The following PTPRG variants were observed in gnomAD, a reference collection of about 807,000 sequenced individuals.
PTPRG encodes the protein protein tyrosine phosphatase receptor type G, also known as receptor-type tyrosine-protein phosphatase gamma.
Under a neutral mutation model 165.3 loss-of-function variants are expected in PTPRG, and 102 were observed. The ratio of observed to expected loss-of-function variants is 0.62; its 90% confidence interval spans 0.53 to 0.73. The LOEUF is 0.73. Ranked by LOEUF, PTPRG falls within the 30% of genes least tolerant of loss-of-function variation. The pLI is 0.00. For missense variants in PTPRG, 1,866 were observed against 1,861.4 expected (o/e 1.00, Z -0.05); for synonymous variants, 675 against 669.5 (o/e 1.01, Z -0.13).
chr3:62,260,528 A>G (rs1701663831), intron 16 of PTPRG, among the ~76,000 whole-genome samples: 1 of 152,150 alleles, frequency 6.6e-6, no homozygotes, highest in Admixed American at 6.6e-5. Flanking sequence ...GCCTTCTCCT[A>G]TGCTTATGTG....
intron 28 of PTPRG, among the ~76,000 whole-genome samples, chr3:62,290,470 C>G (rs1191428558): frequency 6.6e-6 from 1 of 151,974 alleles, no homozygotes; most frequent in Non-Finnish European, 1.5e-5. Context: ...TCACTAAAAA[C>G]AATACGAAGT....
chr3:61,697,616 G>A (rs1314109525), intron 1 of PTPRG, among the ~76,000 whole-genome samples: 2 of 152,184 alleles, frequency 1.3e-5, no homozygotes, highest in South Asian at 2.1e-4. Context: ...TTTGGTAACA[G>A]TGCAGTTCTG....
intron 1 of PTPRG, among the ~76,000 whole-genome samples, chr3:61,638,591 G>GCTTTTT (rs1701981070): frequency 1.7e-5 from 1 of 58,704 alleles, no homozygotes; most frequent in East Asian, 6.0e-4. Context: ...TGCCTGGCTA[G>GCTTTTT]TTTTTTTTTT....
chr3:61,811,173 TCAG>T (rs1453194491), intron 2 of PTPRG, among the ~76,000 whole-genome samples: 67 of 152,296 alleles, frequency 4.4e-4, no homozygotes, highest in Non-Finnish European at 7.2e-4. Context: ...TGCTCTTTGG[TCAG>T]TGGAATGTCA....
chr3:61,931,590 T>C (rs1280352288), intron 2 of PTPRG, among the ~76,000 whole-genome samples: 1 of 152,190 alleles, frequency 6.6e-6, no homozygotes, highest in Non-Finnish European at 1.5e-5. Flanking sequence ...AGACCCCGTG[T>C]CCTCTTAGAG....
intron 1 of PTPRG, among the ~76,000 whole-genome samples, chr3:61,665,422 G>A (rs745540741): frequency 2.7e-5 from 4 of 150,708 alleles, no homozygotes; most frequent in Non-Finnish European, 5.9e-5. Flanking sequence ...GGGCCAAGTT[G>A]TAACTTGAAA....
At chr3:62,052,235 G>A (rs933705178) in intron 4 of PTPRG, among the ~76,000 whole-genome samples, 9 of 152,032 alleles carry the variant, frequency 5.9e-5, no homozygotes, top group Non-Finnish European at 7.4e-5. Flanking sequence ...CATTTTCACC[G>A]CATCACTTTT....
At chr3:62,167,930 T>C (rs775572527) in intron 7 of PTPRG, 41 bp from the exon 8 acceptor site, 28 of 1,416,144 alleles carry the variant, frequency 2.0e-5, no homozygotes, top group Non-Finnish European at 2.6e-5. Context: ...TTTTTTGTGT[T>C]GTTTTTTTTT....
chr3:61,699,527 C>T (rs2030829801), intron 1 of PTPRG, among the ~76,000 whole-genome samples: 1 of 152,166 alleles, frequency 6.6e-6, no homozygotes, highest in Non-Finnish European at 1.5e-5. Context: ...ATGGCAGCTG[C>T]TTTTACCTAT....
intron 2 of PTPRG, among the ~76,000 whole-genome samples, chr3:61,840,778 G>GTTTTTTTTTT (rs1421518243): frequency 9.4e-6 from 1 of 106,192 alleles, no homozygotes; most frequent in African/African-American, 4.5e-5. Flanking sequence ...TTTTTTGTTT[G>GTTTTTTTTTT]TTTGTTTTTT....
chr3:61,985,339 C>T (rs1199423187), intron 2 of PTPRG, among the ~76,000 whole-genome samples: 1 of 152,182 alleles, frequency 6.6e-6, no homozygotes, highest in East Asian at 1.9e-4. Context: ...CTTGCACCCA[C>T]CTGCCTTAGC....
Position 61,676,456 on chromosome 3 carries a change from CAAAAA to C in PTPRG, c.86-72408_86-72404del, listed in dbSNP as rs71629138. On this transcript the variant is annotated intron_variant, in intron 1 of 29. Coordinates refer to ENST00000474889, the MANE Select transcript of PTPRG (RefSeq NM_002841.4). ...TGGGCGACAGAGCCAGACTCCATCT[CAAAAA>C]AAAAAAAAAAAAAGAAAATTACTAA... 6.4e-4 allele frequency among the ~76,000 whole-genome samples: 14 copies of C among 21,880 alleles called. 2 individuals carry two copies. In the South Asian group the frequency reaches 0.022, roughly 34 times the overall value. The allele number at this position is 21,880 out of a possible 152,430, so 14.4% of individuals were successfully genotyped here.
Position 62,246,085 on chromosome 3 carries a change from C to T in PTPRG, c.2467+2187C>T, listed in dbSNP as rs189210514. Among the ~76,000 whole-genome samples, 324 of 152,230 alleles carry T rather than the reference C, an allele frequency of 2.1e-3. 6 individuals carry two copies. Among genetic ancestry groups the T allele is most frequent in the Admixed American group, 0.014 (208 of 15,286 alleles). On this transcript the variant is annotated intron_variant, in intron 15 of 29. Coordinates refer to ENST00000474889, the MANE Select transcript of PTPRG (RefSeq NM_002841.4). The stretch of plus-strand genomic sequence containing the variant: ...CTTTTTCCCTTTTAAATATGTTTCT[C>T]CTAATTCATACTCACTACTAGTAAT...
At chr3:61,786,172 G>A (rs995597650) in intron 2 of PTPRG, among the ~76,000 whole-genome samples, 8 of 152,204 alleles carry the variant, frequency 5.3e-5, no homozygotes, top group African/African-American at 7.2e-5. Flanking sequence ...GGAGGGTAGA[G>A]TAGGTAGTGT....
At chr3:61,957,225 A>G (rs922167702) in intron 2 of PTPRG, among the ~76,000 whole-genome samples, 1 of 152,374 alleles carries the variant, frequency 6.6e-6, no homozygotes, top group South Asian at 2.1e-4. Flanking sequence ...CTTTCTCTTT[A>G]CTGTGAACAC....
chr3:62,207,232 A>C (rs910393989), intron 12 of PTPRG, among the ~76,000 whole-genome samples: 1 of 152,160 alleles, frequency 6.6e-6, no homozygotes, highest in Non-Finnish European at 1.5e-5. Context: ...AGCTGAGAGG[A>C]TGTGATAGTA....
chr3:61,904,282 T>C (rs1234280869), intron 2 of PTPRG, among the ~76,000 whole-genome samples: 18 of 152,154 alleles, frequency 1.2e-4, no homozygotes, highest in African/African-American at 2.4e-5. Context: ...GCTGGGTTTT[T>C]TTCTCAGGAC....
chr3:61,932,185 C>G (rs1199946679), intron 2 of PTPRG, among the ~76,000 whole-genome samples: 5 of 152,296 alleles, frequency 3.3e-5, no homozygotes, highest in African/African-American at 9.6e-5. Context: ...GACCAACTAG[C>G]TCCTTTCTGA....
chr3:61,828,505 C>T (rs1380770874), intron 2 of PTPRG, among the ~76,000 whole-genome samples: 1 of 152,200 alleles, frequency 6.6e-6, no homozygotes. Context: ...CTTTCATTTT[C>T]ATAGTGCCTG....
Sources: allele counts gnomAD v4.1 joint callset (sites outside exome capture counted in the v4.1 genomes callset), GRCh38; gene constraint gnomAD v4.1.1; transcripts MANE v1.5; gene names NCBI Gene and HGNC (gene_info 2026-07-23, HGNC 2026-07-21).